VWA3A: variants seen among roughly 807,000 people sequenced by gnomAD.
VWA3A encodes the protein von Willebrand factor A domain-containing protein 3A.
In VWA3A, 134 loss-of-function variants were observed where a neutral mutation model predicts 160.4. The observed-to-expected ratio is 0.84, with a 90% CI of 0.73 to 0.96. The LOEUF (loss-of-function observed/expected upper bound fraction) is 0.96, where lower values mean the gene tolerates loss of function less well. Ranked by LOEUF, VWA3A falls within the 40% of genes least tolerant of loss-of-function variation. The pLI is 0.00. For synonymous variants in VWA3A, 476 were observed against 543.4 expected (o/e 0.88, Z 1.72); for missense variants, 1,310 against 1,447.9 (o/e 0.90, Z 1.55).
chr16:22,147,744 G>A (rs2142015965), intron 27 of VWA3A: 1 of 691,998 alleles, frequency 1.4e-6, no homozygotes, highest in East Asian at 2.7e-5. Context: ...TAAAACCAGA[G>A]ATCCAGCGAT....
At chr16:22,114,385 T>C (rs1293415096) in intron 8 of VWA3A, among the ~76,000 whole-genome samples, 3 of 152,204 alleles carry the variant, frequency 2.0e-5, no homozygotes, top group African/African-American at 7.2e-5. Flanking sequence ...AGAGCCTTCT[T>C]AGGGTCGCGG....
chr16:22,142,645 T>G (rs1282275624), intron 24 of VWA3A, 23 bp from the exon 25 acceptor site: 7 of 1,537,068 alleles, frequency 4.6e-6, no homozygotes, highest in Admixed American at 3.9e-5. Flanking sequence ...ACTATAGCAA[T>G]GACCTCACTC....
At chr16:22,137,103 G>A (rs139247949) in intron 21 of VWA3A, among the ~76,000 whole-genome samples, 4,272 of 148,160 alleles carry the variant, frequency 0.029, 97 homozygotes, top group South Asian at 0.12. Flanking sequence ...AAATAAATAA[G>A]TAAGTAAATA....
At chr16:22,120,439 T>C (rs975203396) in intron 12 of VWA3A, among the ~76,000 whole-genome samples, 9 of 152,224 alleles carry the variant, frequency 5.9e-5, no homozygotes, top group Admixed American at 5.9e-4. Context: ...AAAGCATTAA[T>C]GTTACATATT....
chr16:22,111,703 G>A (rs542857076), intron 8 of VWA3A, among the ~76,000 whole-genome samples: 29 of 151,970 alleles, frequency 1.9e-4, no homozygotes, highest in East Asian at 3.9e-4. Flanking sequence ...AGCTGGTCTC[G>A]AACTCCTGAC....
intron 17 of VWA3A, among the ~76,000 whole-genome samples, chr16:22,128,231 A>G (rs537053038): frequency 9.9e-5 from 15 of 152,216 alleles, no homozygotes; most frequent in Admixed American, 2.0e-4. Context: ...CAAGCAAGGT[A>G]CAAATACAAT....
In VWA3A at chr16:22,131,718, G is replaced by A. The variant is rs768750964; in HGVS notation, c.1861G>A (p.Asp621Asn). ...CTACCTCTTCACTGGGGGCATCCCCGACCAGGACATGGTGGGTAGGCCACG... is the reference window on the plus strand; with the variant it reads ...CTACCTCTTCACTGGGGGCATCCCCAACCAGGACATGGTGGGTAGGCCACG... Reference protein sequence around the residue: ...GIYLFTGGIPDQDMPTLSAYM... With the variant: ...GIYLFTGGIPNQDMPTLSAYM... The change falls in exon 19 of 34, where the codon GAC becomes AAC. Residue 621 changes from aspartate to asparagine, a missense_variant. By Grantham distance (23) the Asp-to-Asn change is conservative (BLOSUM62 1). Coordinates refer to ENST00000389398, the MANE Select transcript of VWA3A (RefSeq NM_173615.5). The A allele has an allele frequency of 1.2e-5, 19 of 1,613,342 alleles. No individual in the cohort carries two copies. Among genetic ancestry groups the A allele is most frequent in the East Asian group, 8.9e-5 (4 of 44,890 alleles).
intron 8 of VWA3A, among the ~76,000 whole-genome samples, chr16:22,113,915 TCAATAC>T (rs1278678805): frequency 1.3e-5 from 2 of 152,098 alleles, no homozygotes; most frequent in East Asian, 3.9e-4. Context: ...AAACTTTCTA[TCAATAC>T]CATAACTGAG....
chr16:22,102,265 A>G (rs1405963819), intron 5 of VWA3A, among the ~76,000 whole-genome samples: 1 of 152,068 alleles, frequency 6.6e-6, no homozygotes, highest in South Asian at 2.1e-4. Flanking sequence ...TGAGAGGATC[A>G]CCTGAGCCAA....
intron 3 of VWA3A, among the ~76,000 whole-genome samples, chr16:22,099,009 T>A (rs2045366956): frequency 6.8e-6 from 1 of 146,566 alleles, no homozygotes; most frequent in Non-Finnish European, 1.5e-5. Context: ...GGAAGGAGGA[T>A]CACTTGAGCC....
chr16:22,122,129 ATGGATGGATGGATGG>A (rs2141915316), intron 14 of VWA3A, among the ~76,000 whole-genome samples: 2 of 140,670 alleles, frequency 1.4e-5, no homozygotes, highest in East Asian at 5.1e-4. Context: ...TGATGGATGG[ATGGATGGATGGATGG>A]ATGGATGGAT....
intron 8 of VWA3A, among the ~76,000 whole-genome samples, chr16:22,112,667 G>A (rs1418891893): frequency 2.6e-5 from 4 of 152,208 alleles, no homozygotes; most frequent in Non-Finnish European, 5.9e-5. Flanking sequence ...AGGCTGCAGT[G>A]AGCTATGGTT....
intron 19 of VWA3A, chr16:22,132,696 C>T (rs900306595): frequency 1.0e-5 from 6 of 576,680 alleles, no homozygotes; most frequent in Non-Finnish European, 1.8e-5. Context: ...TATCAGGAGG[C>T]TCTCAGGTCC....
chr16:22,115,895 AAGGAAGGAAGGAAGGAAGGAAGG>A (rs2045627046), intron 9 of VWA3A, among the ~76,000 whole-genome samples: 3 of 34,572 alleles, frequency 8.7e-5, no homozygotes, highest in Non-Finnish European at 1.3e-4. Context: ...GGAAGGAAGG[AAGGAAGGAAGGAAGGAAGGAAGG>A]AAGGAAAGGA....
Position 22,155,646 on chromosome 16 carries a change from G to A in VWA3A, c.3485G>A (p.Trp1162Ter). 1.2e-6 allele frequency: 2 copies of A among 1,613,914 alleles called. No homozygotes were observed. The highest frequency in any genetic ancestry group is 1.7e-6 in the Non-Finnish European group (2 of 1,179,862). Residue 1162 changes from tryptophan to a stop codon, truncating the protein, a stop_gained, in exon 32 of 34, where the codon TGG becomes TAG. Coordinates refer to ENST00000389398, the MANE Select transcript of VWA3A (RefSeq NM_173615.5). LOFTEE classifies it high-confidence loss of function. ...ATCACCAAGGCCAGAAGCTTCCTCTGGCAGGCCCAATCCTTCAGGTATGCC... is the reference window on the plus strand; with the variant it reads ...ATCACCAAGGCCAGAAGCTTCCTCTAGCAGGCCCAATCCTTCAGGTATGCC... ...QEITKARSFL[W>*]QAQSFRSQLQ...
Position 22,098,911 on chromosome 16 carries a change from CAAAA to C in VWA3A, c.225+1240_225+1243del, listed in dbSNP as rs900328333. ...GCAACATGGTGAAACCCTGTTTCCA[CAAAA>C]AAAAAAAAAAAAAAAAAAAAAAATA... On this transcript the variant is annotated intron_variant, in intron 3 of 33. Transcript: ENST00000389398. Among the ~76,000 whole-genome samples the C allele has an allele frequency of 3.9e-4, 16 of 41,058 alleles. No individual in the cohort carries two copies. In the South Asian group the frequency reaches 7.6e-3, roughly 20 times the overall value. The allele number at this position is 41,058 out of a possible 152,430, so 26.9% of individuals were successfully genotyped here. A position where few individuals can be genotyped will look rare whatever the true frequency, so the allele number is the denominator to read the frequency against.
At chr16:22,110,052 C>T (rs1352596213) in intron 7 of VWA3A, among the ~76,000 whole-genome samples, 2 of 152,218 alleles carry the variant, frequency 1.3e-5, no homozygotes, top group Admixed American at 1.3e-4. Context: ...AAGCTAAGAA[C>T]TAGAGTCAGA....
chr16:22,146,096 A>T, intron 26 of VWA3A, 140 bp from the exon 27 acceptor site: 1 of 648,396 alleles, frequency 1.5e-6, no homozygotes, highest in Non-Finnish European at 2.7e-6. Context: ...CGCTGGGATT[A>T]CAGGCATGAG....
intron 27 of VWA3A, chr16:22,147,697 C>A: frequency 1.4e-6 from 1 of 701,520 alleles, no homozygotes; most frequent in South Asian, 1.5e-5. Flanking sequence ...GAGCCTCTCT[C>A]CACCCTCGGT....
Sources: allele counts gnomAD v4.1 joint callset (sites outside exome capture counted in the v4.1 genomes callset), GRCh38; gene constraint gnomAD v4.1.1; transcripts MANE v1.5; gene names NCBI Gene and HGNC (gene_info 2026-07-23, HGNC 2026-07-21).